PARD3: variants seen among roughly 807,000 people sequenced by gnomAD.
PARD3 encodes par-3 family cell polarity regulator, also known as partitioning defective 3 homolog.
PARD3 carries 75 observed loss-of-function variants against 155.4 expected under a neutral mutation model. That is an observed-to-expected ratio of 0.48 (90% CI 0.40 to 0.58). The LOEUF (loss-of-function observed/expected upper bound fraction) is 0.58, where lower values mean the gene tolerates loss of function less well. Ranked by LOEUF, PARD3 falls within the 20% of genes least tolerant of loss-of-function variation. The probability of loss-of-function intolerance (pLI) is 0.00; values close to 1 mark genes in which losing one functional copy is unlikely to be tolerated. For missense variants in PARD3, 1,642 were observed against 1,721.7 expected (o/e 0.95, Z 0.82); for synonymous variants, 576 against 610.5 (o/e 0.94, Z 0.83).
At chr10:34,377,601 T>A (rs11009758) in intron 10 of PARD3, among the ~76,000 whole-genome samples, 88 of 151,350 alleles carry the variant, frequency 5.8e-4, no homozygotes, top group Non-Finnish European at 8.0e-4. Flanking sequence ...TAAAAAAAAA[T>A]AAATAAATAA....
At chr10:34,385,947 A>C (rs1201272882) in intron 7 of PARD3, among the ~76,000 whole-genome samples, 2 of 152,220 alleles carry the variant, frequency 1.3e-5, no homozygotes, top group Non-Finnish European at 2.9e-5. Context: ...AATAGAATAC[A>C]AGTGAATAGA....
At chr10:34,722,603 C>G (rs1017640867) in intron 1 of PARD3, among the ~76,000 whole-genome samples, 4 of 152,170 alleles carry the variant, frequency 2.6e-5, no homozygotes, top group Non-Finnish European at 5.9e-5. Context: ...CAGGGCAGGA[C>G]ACTTTGGGCC....
At chr10:34,593,813 C>T (rs574267726) in intron 2 of PARD3, among the ~76,000 whole-genome samples, 1 of 152,266 alleles carries the variant, frequency 6.6e-6, no homozygotes, top group South Asian at 2.1e-4. Context: ...TTGGTAAAAA[C>T]TTGAAAAAGT....
chr10:34,235,139 T>C (rs1263695158), intron 22 of PARD3, among the ~76,000 whole-genome samples: 1 of 152,238 alleles, frequency 6.6e-6, no homozygotes, highest in Non-Finnish European at 1.5e-5. Flanking sequence ...TAGTTAGGTC[T>C]TTCTCCTGCT....
chr10:34,145,558 T>C (rs894681858), intron 22 of PARD3, among the ~76,000 whole-genome samples: 2 of 152,030 alleles, frequency 1.3e-5, no homozygotes, highest in African/African-American at 4.8e-5. Context: ...AAGCCTTCTA[T>C]TGTGTTTCTT....
intron 22 of PARD3, among the ~76,000 whole-genome samples, chr10:34,194,645 CT>C (rs201286700): frequency 2.9e-3 from 348 of 121,352 alleles, no homozygotes; most frequent in African/African-American, 9.9e-3. Context: ...TAAATTAACA[CT>C]TTTTTTTCCC....
At position 34,604,537 on chromosome 10, in the gene PARD3, G is replaced by A. The variant is rs115922551; in HGVS notation, c.223-87378C>T. 3.1e-3 allele frequency among the ~76,000 whole-genome samples: 459 copies of A among 150,020 alleles called. 2 individuals carry two copies. Among genetic ancestry groups the A allele is most frequent in the African/African-American group, 0.01 (423 of 40,974 alleles). ...TGGCCTATTATGGGACTTTGTGATC[G>A]TGTAAGTTAATATTTAATAAACTCT... On this transcript the variant is annotated intron_variant, in intron 2 of 24. Coordinates refer to ENST00000374788, the MANE Select transcript of PARD3 (RefSeq NM_001184785.2).
intron 5 of PARD3, among the ~76,000 whole-genome samples, chr10:34,448,738 G>A (rs1023424804): frequency 6.6e-6 from 1 of 151,926 alleles, no homozygotes; most frequent in East Asian, 1.9e-4. Context: ...CTAGAAGTTC[G>A]AGGCTGCAGT....
intron 2 of PARD3, among the ~76,000 whole-genome samples, chr10:34,554,471 T>G (rs2084833952): frequency 6.6e-6 from 1 of 152,226 alleles, no homozygotes; most frequent in Non-Finnish European, 1.5e-5. Flanking sequence ...CAACTTTTAA[T>G]GAAGGCCTTT....
At chr10:34,563,784 C>A (rs1472152903) in intron 2 of PARD3, among the ~76,000 whole-genome samples, 1 of 152,130 alleles carries the variant, frequency 6.6e-6, no homozygotes, top group Non-Finnish European at 1.5e-5. Context: ...CCGCCTTGGC[C>A]TCCCAAAGTG....
chr10:34,265,863 G>C (rs1334104853), intron 22 of PARD3, among the ~76,000 whole-genome samples: 1 of 152,188 alleles, frequency 6.6e-6, no homozygotes, highest in Non-Finnish European at 1.5e-5. Flanking sequence ...GCAGGCCAAA[G>C]GCTGCTGAAC....
intron 22 of PARD3, among the ~76,000 whole-genome samples, chr10:34,152,513 T>C (rs528123798): frequency 5.9e-5 from 9 of 152,292 alleles, no homozygotes; most frequent in Non-Finnish European, 1.2e-4. Context: ...ATTATAATCT[T>C]ATGGAACCAC....
intron 22 of PARD3, among the ~76,000 whole-genome samples, chr10:34,190,447 T>C (rs1950655396): frequency 6.6e-6 from 1 of 152,226 alleles, no homozygotes; most frequent in South Asian, 2.1e-4. Context: ...TTTGAAGGAA[T>C]AAATGATTTT....
intron 7 of PARD3, among the ~76,000 whole-genome samples, chr10:34,390,351 A>T (rs901178758): frequency 1.3e-5 from 2 of 152,178 alleles, no homozygotes; most frequent in African/African-American, 4.8e-5. Flanking sequence ...CTACCTACCT[A>T]GAATACCAAG....
At chr10:34,184,793 C>T (rs1950416545) in intron 22 of PARD3, among the ~76,000 whole-genome samples, 2 of 146,638 alleles carry the variant, frequency 1.4e-5, no homozygotes, top group Admixed American at 1.4e-4. Flanking sequence ...CCATGAAAAA[C>T]ATATCCCATC....
intron 1 of PARD3, among the ~76,000 whole-genome samples, chr10:34,743,024 T>C (rs900918537): frequency 2.0e-5 from 3 of 152,210 alleles, no homozygotes; most frequent in Non-Finnish European, 4.4e-5. Flanking sequence ...ACGTAATATC[T>C]AATTCATTGG....
intron 4 of PARD3, among the ~76,000 whole-genome samples, chr10:34,455,670 G>A (rs1388246396): frequency 3.3e-5 from 5 of 152,074 alleles, no homozygotes; most frequent in African/African-American, 7.2e-5. Context: ...TGTAAATGAA[G>A]GCAGAAAATT....
At chr10:34,261,141 T>C (rs1018008128) in intron 22 of PARD3, among the ~76,000 whole-genome samples, 1 of 152,192 alleles carries the variant, frequency 6.6e-6, no homozygotes, top group Non-Finnish European at 1.5e-5. Flanking sequence ...TTGAGGACAA[T>C]GCACTCCTGG....
chr10:34,363,448 T>C (rs1839654904), intron 12 of PARD3, among the ~76,000 whole-genome samples: 2 of 152,244 alleles, frequency 1.3e-5, no homozygotes, highest in African/African-American at 2.4e-5. Context: ...GATATTCCAC[T>C]ATTAATCCAT....
Sources: gnomAD v4.1 joint callset for allele counts (sites outside exome capture counted in the v4.1 genomes callset) on GRCh38, gnomAD v4.1.1 for gene constraint, MANE v1.5 for transcripts, NCBI Gene and HGNC (gene_info 2026-07-23, HGNC 2026-07-21) for gene names.